PGR: variants seen among roughly 807,000 people sequenced by gnomAD.
PGR encodes nuclear receptor subfamily 3 group C member 3.
A neutral mutation model predicts 76.1 loss-of-function variants in PGR; 25 were observed. The ratio of observed to expected loss-of-function variants is 0.33; its 90% CI spans 0.24 to 0.46. PGR has a LOEUF of 0.46. Among genes scored for constraint, PGR ranks in the 20% least tolerant of loss-of-function variants. The pLI is 1.00. For missense variants in PGR, 1,172 were observed against 1,225.3 expected (o/e 0.96, Z 0.65); for synonymous variants, 579 against 535.0 (o/e 1.08, Z -1.14).
At chr11:101,051,316 T>A (rs983112027) in intron 5 of PGR, 108 bp downstream of exon 5, 11 of 744,196 alleles carry the variant, frequency 1.5e-5, no homozygotes, top group Non-Finnish European at 2.6e-5. Context: ...GACAGTAATG[T>A]CATCATATCA....
intron 2 of PGR, among the ~76,000 whole-genome samples, chr11:101,120,849 A>T (rs1303397362): frequency 1.3e-5 from 2 of 152,206 alleles, no homozygotes; most frequent in African/African-American, 4.8e-5. Context: ...CAGTGGCCAG[A>T]ACAGGAGCAG....
chr11:101,093,674 G>T (rs886271788), intron 2 of PGR, among the ~76,000 whole-genome samples: 1 of 152,116 alleles, frequency 6.6e-6, no homozygotes, highest in Non-Finnish European at 1.5e-5. Context: ...GGTCAGGCTG[G>T]TCTCGAACTC....
intron 6 of PGR, among the ~76,000 whole-genome samples, chr11:101,043,443 T>C (rs2135381813): frequency 6.6e-6 from 1 of 152,292 alleles, no homozygotes; most frequent in Non-Finnish European, 1.5e-5. Flanking sequence ...ACCCTCAAAG[T>C]CATGCAAGAG....
chr11:101,091,048 A>G (rs1390474125), intron 3 of PGR, among the ~76,000 whole-genome samples: 2 of 152,218 alleles, frequency 1.3e-5, no homozygotes, highest in African/African-American at 4.8e-5. Flanking sequence ...TACGATTCCC[A>G]GACAGTGTTG....
chr11:101,056,351 G>A (rs1342345557), intron 4 of PGR, among the ~76,000 whole-genome samples: 4 of 152,204 alleles, frequency 2.6e-5, no homozygotes, highest in Non-Finnish European at 5.9e-5. Flanking sequence ...GTGAAGAGAT[G>A]GCCTGGGGCT....
At chr11:101,104,790 C>T (rs1235671236) in intron 2 of PGR, among the ~76,000 whole-genome samples, 2 of 150,830 alleles carry the variant, frequency 1.3e-5, no homozygotes, top group Non-Finnish European at 3.0e-5. Context: ...TTTTTCTTTT[C>T]TTTTTTTTTC....
intron 2 of PGR, among the ~76,000 whole-genome samples, chr11:101,119,138 A>G (rs1310682998): frequency 6.6e-6 from 1 of 152,156 alleles, no homozygotes; most frequent in Non-Finnish European, 1.5e-5. Flanking sequence ...CTGATGTGAC[A>G]GGGAGGCGGA....
chr11:101,047,916 G>A (rs11571249), intron 6 of PGR, among the ~76,000 whole-genome samples: 480 of 152,220 alleles, frequency 3.2e-3, no homozygotes, highest in Non-Finnish European at 5.5e-3. Flanking sequence ...TCAATGCAAT[G>A]CTTTATAAAA....
At chr11:101,121,918 G>C (rs571119016) in intron 2 of PGR, among the ~76,000 whole-genome samples, 1 of 152,264 alleles carries the variant, frequency 6.6e-6, no homozygotes, top group African/African-American at 2.4e-5. Flanking sequence ...TGTAATCCCA[G>C]CACTTTGGGA....
At chr11:101,119,114 A>C (rs1257941574) in intron 2 of PGR, among the ~76,000 whole-genome samples, 1 of 152,104 alleles carries the variant, frequency 6.6e-6, no homozygotes, top group African/African-American at 2.4e-5. Flanking sequence ...TCTTATGAGA[A>C]TCTAAGGCTG....
At chr11:101,046,286 T>C (rs908486508) in intron 6 of PGR, among the ~76,000 whole-genome samples, 1 of 132,646 alleles carries the variant, frequency 7.5e-6, no homozygotes, top group Non-Finnish European at 1.6e-5. Flanking sequence ...CCACTACGCC[T>C]GGCTAATTTT....
chr11:101,121,408 T>C (rs774471739), intron 2 of PGR, among the ~76,000 whole-genome samples: 4 of 152,220 alleles, frequency 2.6e-5, no homozygotes, highest in Non-Finnish European at 5.9e-5. Context: ...AAAAATTGGA[T>C]GTTCAATCTT....
chr11:101,074,658 T>C (rs1002693292), intron 3 of PGR, among the ~76,000 whole-genome samples: 1 of 152,052 alleles, frequency 6.6e-6, no homozygotes, highest in Admixed American at 6.6e-5. Context: ...TGTGCAAAAA[T>C]CACAGGCATT....
rs906534142 is a variant in PGR at position 101,032,431 on chromosome 11, A to G, written c.*6685T>C. The G allele has an allele frequency of 1.3e-5, 3 of 232,500 alleles. No individual in the cohort carries two copies. The highest frequency in any genetic ancestry group is 1.7e-5 in the Non-Finnish European group (2 of 117,594). 14.4% of individuals were successfully genotyped at this position (232,500 alleles called of 1,614,324 possible). On this transcript the variant is annotated 3_prime_UTR_variant, in exon 8 of 8. Transcript: ENST00000325455. ...CAGAATCAAGTCTACACTCTTTAAC[A>G]TGGTGTACAAGGCCACTGATTATCT...
intron 4 of PGR, among the ~76,000 whole-genome samples, chr11:101,058,384 T>C (rs1860367676): frequency 6.6e-6 from 1 of 152,164 alleles, no homozygotes; most frequent in Admixed American, 6.5e-5. Context: ...TTTAGTCTTC[T>C]GATTCGGGAA....
At chr11:101,059,175 G>T (rs1342393246) in intron 4 of PGR, among the ~76,000 whole-genome samples, 1 of 151,600 alleles carries the variant, frequency 6.6e-6, no homozygotes. Flanking sequence ...TCAAAGTCTT[G>T]TTTCTCCTGT....
Position 101,127,948 on chromosome 11 carries a change from G to A in PGR, c.1123C>T (p.Pro375Ser), listed in dbSNP as rs1028866384. 4.3e-6 allele frequency: 7 copies of A among 1,611,958 alleles called. No homozygotes were observed. In the East Asian group the frequency reaches 1.1e-4, roughly 26 times the overall value. The change falls in exon 1 of 8, where the codon CCT (proline) becomes TCT (serine). Residue 375 changes from proline to serine, a missense_variant. This residue lies in a region of PGR where 893 missense variants were observed against 785.9 expected (regional missense o/e 1.14). Transcript: ENST00000325455. Reference protein sequence around the residue: ...PDAEPKDDAYPLYSDFQPPAL... With the variant: ...PDAEPKDDAYSLYSDFQPPAL... ...GGCGGCTGGAAGTCGCTATAGAGAG[G>A]GTACGCGTCGTCCTTGGGCTCGGCG...
intron 3 of PGR, among the ~76,000 whole-genome samples, chr11:101,073,295 T>C (rs1861011031): frequency 6.6e-6 from 1 of 152,080 alleles, no homozygotes; most frequent in African/African-American, 2.4e-5. Flanking sequence ...AGACACAACA[T>C]ACCAGAATCT....
chr11:101,127,583 G>A lies in PGR; in HGVS notation c.1488C>T (p.Pro496=), dbSNP rs1862895433. The change falls in exon 1 of 8, where the codon CCC becomes CCT. Residue 496 remains proline, a synonymous_variant. Coordinates refer to ENST00000325455, the MANE Select transcript of PGR (RefSeq NM_000926.4). ...SGCLLPRDGL[P]STSASAAAAG... ...CGGCGGCGGCAGAGGCGGAGGTGGA[G>A]GGCAGGCCGTCCCGCGGGAGCAGGC... 3 of 1,320,746 alleles carry A rather than the reference G, an allele frequency of 2.3e-6. No individual in the cohort carries two copies. The highest frequency in any genetic ancestry group is 2.9e-6 in the Non-Finnish European group (3 of 1,043,542). The allele number at this position is 1,320,746 out of a possible 1,614,324, so 81.8% of individuals were successfully genotyped here.
Sources: gnomAD v4.1 joint callset for allele counts (sites outside exome capture counted in the v4.1 genomes callset) on GRCh38, gnomAD v4.1.1 for gene constraint, gnomAD v4.1.1 regional missense constraint, MANE v1.5 for transcripts, NCBI Gene and HGNC (gene_info 2026-07-23, HGNC 2026-07-21) for gene names.